LRRC1: variants seen among roughly 807,000 people sequenced by gnomAD.
The protein encoded by LRRC1 is leucine rich repeat containing 1.
LRRC1 carries 28 observed loss-of-function variants against 69.9 expected under a neutral mutation model. The ratio of observed to expected loss-of-function variants is 0.40; its 90% CI spans 0.30 to 0.55. The LOEUF is 0.55. Among genes scored for constraint, LRRC1 ranks in the 20% least tolerant of loss-of-function variants. LRRC1 has a pLI of 0.47. For missense variants in LRRC1, 498 were observed against 609.0 expected (o/e 0.82, Z 1.92); for synonymous variants, 236 against 240.2 (o/e 0.98, Z 0.16).
In LRRC1 at chr6:53,795,237, AGGC is replaced by A. The variant is rs753741733; in HGVS notation, c.-11_-9del. The stretch of plus-strand genomic sequence containing the variant: ...GGTCTCCGCCGCTCGGGACCCGGCT[AGGC>A]GGCGGCGGGGGCGGCGATGTTCCAC... On this transcript the variant is annotated 5_prime_UTR_variant, in exon 1 of 14. Transcript: ENST00000370888. 3.2e-6 allele frequency: 5 copies of A among 1,585,702 alleles called. No individual in the cohort carries two copies. Among genetic ancestry groups the A allele is most frequent in the South Asian group, 1.1e-5 (1 of 88,832 alleles).
chr6:53,922,626 T>C lies in LRRC1; in HGVS notation c.1417-9T>C, dbSNP rs775225949. 2.5e-5 allele frequency: 40 copies of C among 1,602,904 alleles called. No homozygotes were observed. In the Admixed American group the frequency reaches 5.2e-4, roughly 21 times the overall value. ...AAACCAAAACACTCACTCCACTGTTTGTTTTTAGAGAACACTTCTAAGGCG... is the reference window on the plus strand; with the variant it reads ...AAACCAAAACACTCACTCCACTGTTCGTTTTTAGAGAACACTTCTAAGGCG... On this transcript the variant is annotated splice_polypyrimidine_tract_variant and intron_variant, in intron 13 of 13. Coordinates refer to ENST00000370888, the MANE Select transcript of LRRC1 (RefSeq NM_018214.5).
intron 10 of LRRC1, among the ~76,000 whole-genome samples, chr6:53,911,297 C>G (rs1273803418): frequency 3.3e-5 from 5 of 152,154 alleles, no homozygotes; most frequent in African/African-American, 7.2e-5. Context: ...TTATTTAGAG[C>G]CTTCTCTGAC....
intron 8 of LRRC1, 143 bp downstream of exon 8, chr6:53,900,034 T>TTGTTTG (rs1768003882): frequency 4.0e-6 from 2 of 497,134 alleles, no homozygotes; most frequent in African/African-American, 6.0e-5. Context: ...TTTTTTTTTT[T>TTGTTTG]TTTTTTTTTT....
intron 11 of LRRC1, 88 bp from the exon 12 acceptor site, chr6:53,919,409 AT>A: frequency 9.0e-7 from 1 of 1,108,452 alleles, no homozygotes; most frequent in Non-Finnish European, 1.2e-6. Flanking sequence ...GCTCCTTTTA[AT>A]TTTTCCTCAT....
intron 13 of LRRC1, 126 bp from the exon 14 acceptor site, chr6:53,922,509 T>C: frequency 1.2e-6 from 1 of 820,678 alleles, no homozygotes; most frequent in Non-Finnish European, 1.9e-6. Flanking sequence ...AAGAAAGCTT[T>C]TCCACCCATT....
chr6:53,839,145 C>A (rs1765692671), intron 1 of LRRC1, among the ~76,000 whole-genome samples: 1 of 151,294 alleles, frequency 6.6e-6, no homozygotes, highest in Non-Finnish European at 1.5e-5. Flanking sequence ...TGTATGTTTT[C>A]TAGTTTTTTA....
chr6:53,902,596 AAT>A, intron 8 of LRRC1, 31 bp from the exon 9 acceptor site: 1 of 1,280,018 alleles, frequency 7.8e-7, no homozygotes, highest in Non-Finnish European at 1.1e-6. Context: ...GTAACTAATG[AAT>A]TTGATAATAA....
At chr6:53,851,821 G>T (rs1366903562) in intron 2 of LRRC1, among the ~76,000 whole-genome samples, 2 of 152,144 alleles carry the variant, frequency 1.3e-5, no homozygotes, top group Non-Finnish European at 2.9e-5. Context: ...AGAGGACAGG[G>T]TAGCCTGCCT....
At chr6:53,837,014 A>G (rs558311985) in intron 1 of LRRC1, among the ~76,000 whole-genome samples, 109 of 152,296 alleles carry the variant, frequency 7.2e-4, no homozygotes, top group African/African-American at 2.2e-3. Context: ...TTCACTGAAC[A>G]TTATCTCTAA....
At chr6:53,900,653 G>C (rs1768030283) in intron 8 of LRRC1, among the ~76,000 whole-genome samples, 1 of 152,148 alleles carries the variant, frequency 6.6e-6, no homozygotes, top group African/African-American at 2.4e-5. Flanking sequence ...ATTGAATTGA[G>C]CCTTTTTTAG....
chr6:53,855,411 A>G (rs1459443946), intron 2 of LRRC1, among the ~76,000 whole-genome samples: 1 of 152,230 alleles, frequency 6.6e-6, no homozygotes. Context: ...GTTGAGTGCC[A>G]GTAACTCAAC....
chr6:53,920,216 G>A (rs777579581), intron 12 of LRRC1, among the ~76,000 whole-genome samples: 1 of 152,182 alleles, frequency 6.6e-6, no homozygotes, highest in Non-Finnish European at 1.5e-5. Context: ...AAAACGTGGT[G>A]GAGTGTGTTA....
intron 11 of LRRC1, among the ~76,000 whole-genome samples, chr6:53,916,350 A>G (rs553317243): frequency 6.4e-4 from 97 of 152,308 alleles, no homozygotes; most frequent in Non-Finnish European, 1.2e-3. Context: ...CCCAATCCAA[A>G]TAATTAAAAA....
chr6:53,824,095 A>C (rs1473321343), intron 1 of LRRC1, among the ~76,000 whole-genome samples: 2 of 150,472 alleles, frequency 1.3e-5, no homozygotes, highest in African/African-American at 2.4e-5. Context: ...AAACTTATTT[A>C]TACTCCCACC....
At chr6:53,864,750 G>A (rs1420846511) in intron 2 of LRRC1, among the ~76,000 whole-genome samples, 2 of 152,082 alleles carry the variant, frequency 1.3e-5, no homozygotes, top group Non-Finnish European at 2.9e-5. Context: ...AAGAGGGCTT[G>A]GAGGGAAGTA....
chr6:53,864,977 T>G (rs1428730988), intron 2 of LRRC1, among the ~76,000 whole-genome samples: 1 of 152,152 alleles, frequency 6.6e-6, no homozygotes, highest in Admixed American at 6.5e-5. Flanking sequence ...AGTGTCCATA[T>G]GGCTGAAAGG....
intron 4 of LRRC1, among the ~76,000 whole-genome samples, chr6:53,883,416 C>G (rs1367564992): frequency 6.6e-6 from 1 of 152,114 alleles, no homozygotes; most frequent in Non-Finnish European, 1.5e-5. Context: ...TATTTGTGAA[C>G]TGTGGATCCA....
At chr6:53,843,490 G>T (rs1765849932) in intron 2 of LRRC1, among the ~76,000 whole-genome samples, 1 of 152,168 alleles carries the variant, frequency 6.6e-6, no homozygotes, top group African/African-American at 2.4e-5. Flanking sequence ...CTGTCTTCTG[G>T]CTTAGCCATG....
chr6:53,822,312 A>G (rs770573522), intron 1 of LRRC1, among the ~76,000 whole-genome samples: 1 of 152,194 alleles, frequency 6.6e-6, no homozygotes, highest in Non-Finnish European at 1.5e-5. Flanking sequence ...GCAACTCTAA[A>G]ATAAAGGTCC....
Sources: allele counts gnomAD v4.1 joint callset (sites outside exome capture counted in the v4.1 genomes callset), GRCh38; gene constraint gnomAD v4.1.1; transcripts MANE v1.5; gene names NCBI Gene and HGNC (gene_info 2026-07-23, HGNC 2026-07-21).